The following RBM19 variants were observed in gnomAD, a reference collection of about 807,000 sequenced individuals.
RBM19 encodes probable RNA-binding protein 19.
Under a neutral mutation model 116.8 loss-of-function variants are expected in RBM19, and 94 were observed. The observed-to-expected ratio is 0.80, with a 90% CI of 0.68 to 0.95. RBM19 has a LOEUF of 0.95. Among genes scored for constraint, RBM19 ranks in the 40% least tolerant of loss-of-function variants. RBM19 has a pLI of 0.00. For missense variants in RBM19, 1,161 were observed against 1,220.7 expected (o/e 0.95, Z 0.73); for synonymous variants, 475 against 494.1 (o/e 0.96, Z 0.51).
In RBM19 at chr12:113,942,371, G is replaced by T. The variant is rs568147769; in HGVS notation, c.1690C>A (p.Arg564=). ...ACCCCGTTGTCTATGAGAAAACGCC[G>T]CACTTCCTGGACGAGCTGGGTTTCC... ...LGETQLVQEV[R]RFLIDNGVSL... The change falls in exon 14 of 24, where the codon CGG becomes AGG. Residue 564 remains arginine, a synonymous_variant. Coordinates refer to ENST00000261741, the MANE Select transcript of RBM19 (RefSeq NM_016196.4). The T allele has an allele frequency of 1.2e-6, 2 of 1,609,294 alleles. No homozygotes were observed. Among genetic ancestry groups the T allele is most frequent in the Non-Finnish European group, 1.7e-6 (2 of 1,179,926 alleles).
chr12:113,962,683 T>C (rs1872603618), intron 1 of RBM19, among the ~76,000 whole-genome samples: 2 of 152,210 alleles, frequency 1.3e-5, no homozygotes, highest in Non-Finnish European at 2.9e-5. Flanking sequence ...GGGGCTCCTA[T>C]GAGGATAAGA....
Position 113,966,324 on chromosome 12 carries a change from C to A in RBM19, c.-97G>T, listed in dbSNP as rs559038257. On this transcript the variant is annotated 5_prime_UTR_variant, in exon 1 of 24. Coordinates refer to ENST00000261741, the MANE Select transcript of RBM19 (RefSeq NM_016196.4). Reference sequence around the variant, plus strand: ...CCTGGGCGCCGCCATCTTTACCGAGCCGGAACACAGTCACGTGGCTGAGAC... The same window carrying A: ...CCTGGGCGCCGCCATCTTTACCGAGACGGAACACAGTCACGTGGCTGAGAC... 2 of 1,500,340 alleles carry A rather than the reference C, an allele frequency of 1.3e-6. No homozygotes were observed. The highest frequency in any genetic ancestry group is 1.7e-5 in the Admixed American group (1 of 59,216). The allele number at this position is 1,500,340 out of a possible 1,614,324, so 92.9% of individuals were successfully genotyped here. A position where few individuals can be genotyped will look rare whatever the true frequency, so the allele number is the denominator to read the frequency against.
At chr12:113,821,664 T>C (rs112540202), downstream of RBM19, among the ~76,000 whole-genome samples, 1,119 of 152,202 alleles carry the variant, frequency 7.4e-3, 22 homozygotes, top group African/African-American at 0.025. Context: ...CACCTGTAAT[T>C]CCAGAGCTTT....
chr12:113,905,426 C>A (rs779127801), intron 21 of RBM19, among the ~76,000 whole-genome samples: 3 of 152,114 alleles, frequency 2.0e-5, no homozygotes, highest in Non-Finnish European at 4.4e-5. Context: ...TTGGTCTGCA[C>A]CTCACGCCAT....
chr12:113,878,791 GAGTGAAA>G (rs1253143404), intron 21 of RBM19, among the ~76,000 whole-genome samples: 2 of 130,404 alleles, frequency 1.5e-5, no homozygotes, highest in African/African-American at 5.7e-5. Flanking sequence ...GCATGCAACT[GAGTGAAA>G]AGAAAAAAAG....
chr12:113,907,043 C>G (rs1412343986), intron 21 of RBM19, among the ~76,000 whole-genome samples: 1 of 152,088 alleles, frequency 6.6e-6, no homozygotes, highest in African/African-American at 2.4e-5. Context: ...AAGGATCCCC[C>G]CTGCAGCCTT....
intron 22 of RBM19, 137 bp from the exon 23 acceptor site, chr12:113,844,925 AG>A: frequency 7.8e-7 from 1 of 1,280,804 alleles, no homozygotes; most frequent in Non-Finnish European, 1.0e-6. Context: ...ATCTCCAGCG[AG>A]GGTTTGGGGA....
At chr12:113,819,394 T>C (rs919243182), downstream of RBM19, among the ~76,000 whole-genome samples, 1 of 152,172 alleles carries the variant, frequency 6.6e-6, no homozygotes, top group Non-Finnish European at 1.5e-5. Flanking sequence ...TATGGTTCTC[T>C]TTCCCGGCTC....
intron 11 of RBM19, 34 bp from the exon 12 acceptor site, chr12:113,946,509 A>G (rs1871038964): frequency 1.9e-6 from 3 of 1,613,416 alleles, no homozygotes; most frequent in Non-Finnish European, 2.5e-6. Context: ...AGTAAACAGA[A>G]GCCTTGCCTG....
At chr12:113,909,626 T>C (rs1882301070) in intron 21 of RBM19, among the ~76,000 whole-genome samples, 1 of 152,110 alleles carries the variant, frequency 6.6e-6, no homozygotes, top group South Asian at 2.1e-4. Flanking sequence ...AACCTGTGGA[T>C]GTCAGCTTCC....
intron 22 of RBM19, among the ~76,000 whole-genome samples, chr12:113,847,908 C>T (rs1228631523): frequency 1.3e-5 from 2 of 152,204 alleles, no homozygotes; most frequent in Non-Finnish European, 2.9e-5. Flanking sequence ...TCCCTCTGCA[C>T]TCCTCTGACA....
At chr12:113,852,062 T>A (rs79635227) in intron 22 of RBM19, among the ~76,000 whole-genome samples, 4 of 148,990 alleles carry the variant, frequency 2.7e-5, no homozygotes, top group Non-Finnish European at 6.0e-5. Flanking sequence ...AAAAAAAAAA[T>A]TATTTTAATG....
At chr12:113,841,315 G>C (rs1876449741) in intron 23 of RBM19, among the ~76,000 whole-genome samples, 1 of 152,144 alleles carries the variant, frequency 6.6e-6, no homozygotes, top group Non-Finnish European at 1.5e-5. Context: ...GAACCCTGCA[G>C]ATCTTGGGTT....
At chr12:113,881,367 T>A (rs77638971) in intron 21 of RBM19, among the ~76,000 whole-genome samples, 1,992 of 152,202 alleles carry the variant, frequency 0.013, 13 homozygotes, top group Non-Finnish European at 0.021. Context: ...CAAAAAATAA[T>A]CTAAGTTTCC....
intron 22 of RBM19, among the ~76,000 whole-genome samples, chr12:113,854,515 G>C (rs999462615): frequency 6.6e-6 from 1 of 152,086 alleles, no homozygotes; most frequent in African/African-American, 2.4e-5. Flanking sequence ...TGTGGGGAAG[G>C]CTCTTTAAGA....
At chr12:113,854,797 A>G (rs970972677) in intron 22 of RBM19, among the ~76,000 whole-genome samples, 1 of 152,178 alleles carries the variant, frequency 6.6e-6, no homozygotes, top group African/African-American at 2.4e-5. Flanking sequence ...CGGTGGCTTC[A>G]GTGCTGGAGT....
intron 7 of RBM19, among the ~76,000 whole-genome samples, chr12:113,954,674 C>T (rs1593647573): frequency 6.6e-6 from 1 of 152,238 alleles, no homozygotes; most frequent in Non-Finnish European, 1.5e-5. Flanking sequence ...TCTGCTGTTA[C>T]AGACCCAAAG....
chr12:113,875,028 C>A (rs2135776777), intron 21 of RBM19, among the ~76,000 whole-genome samples: 1 of 152,334 alleles, frequency 6.6e-6, no homozygotes, highest in East Asian at 1.9e-4. Context: ...AAAGCCAGGC[C>A]TACTGTCAAC....
In RBM19 at chr12:113,903,221, G is replaced by A. The variant is rs145820457; in HGVS notation, c.2558+11748C>T. Among the ~76,000 whole-genome samples the A allele has an allele frequency of 3.1e-4, 47 of 152,294 alleles. 1 individual carries two copies. The East Asian group carries it at 9.1e-3, about 29-fold the overall frequency. On this transcript the variant is annotated intron_variant, in intron 21 of 23. Transcript: ENST00000261741. This position sits in a 1 kb window ranked among gnomAD's most constrained non-coding sequence, Gnocchi z 5.1. ...TCTGCATTATTTTCGATCTGTGGTT[G>A]GTGGAATCTGTGGGTGCAGAATCTG...
Sources: allele counts gnomAD v4.1 joint callset (sites outside exome capture counted in the v4.1 genomes callset), GRCh38; gene constraint gnomAD v4.1.1; non-coding constraint Gnocchi (gnomAD v3.1); transcripts MANE v1.5; gene names NCBI Gene and HGNC (gene_info 2026-07-23, HGNC 2026-07-21).